CREBBP: variants seen among roughly 807,000 people sequenced by gnomAD.
CREBBP encodes CREB-binding protein.
CREBBP carries 19 observed loss-of-function variants against 265.0 expected under a neutral mutation model. The ratio of observed to expected loss-of-function variants is 0.07; its 90% CI spans 0.05 to 0.11. CREBBP has a LOEUF of 0.11. Among genes scored for constraint, CREBBP ranks in the 10% least tolerant of loss-of-function variants. The pLI is 1.00. For missense variants in CREBBP, 2,525 were observed against 3,219.0 expected (o/e 0.78, Z 5.22); for synonymous variants, 1,457 against 1,223.7 (o/e 1.19, Z -3.98).
intron 20 of CREBBP, among the ~76,000 whole-genome samples, chr16:3,751,048 C>T (rs1387500573): frequency 6.6e-6 from 1 of 151,744 alleles, no homozygotes; most frequent in African/African-American, 2.4e-5. Context: ...AACAGTGAGA[C>T]CCCATTTCAA....
intron 2 of CREBBP, among the ~76,000 whole-genome samples, chr16:3,819,850 T>A (rs537169267): frequency 2.6e-5 from 4 of 152,246 alleles, no homozygotes; most frequent in African/African-American, 9.6e-5. Flanking sequence ...GAACTGAACA[T>A]GAAAGAACAC....
chr16:3,798,240 C>A (rs531480282), intron 3 of CREBBP, among the ~76,000 whole-genome samples: 6 of 152,072 alleles, frequency 3.9e-5, no homozygotes, highest in African/African-American at 1.4e-4. Flanking sequence ...AGAAGAAAAC[C>A]GAGAATAAAT....
rs777228681 is a variant in CREBBP, at chr16:3,744,857, GT to G, written c.3982+36del. On this transcript the variant is annotated intron_variant, in intron 23 of 30. Transcript: ENST00000262367. ...GACAATTTCTACAAGTTTCTAAAAT[GT>G]GCAGTCCAGGAAACAGAAAGCTTCC... is the stretch of plus-strand genomic sequence containing the variant. 65 of 1,483,236 alleles carry G rather than the reference GT, an allele frequency of 4.4e-5. No homozygotes were observed. The African/African-American group carries it at 6.9e-4, about 16-fold the overall frequency. 91.9% of individuals were successfully genotyped at this position (1,483,236 alleles called of 1,614,324 possible).
At chr16:3,746,903 C>T (rs2052355741) in intron 21 of CREBBP, among the ~76,000 whole-genome samples, 1 of 152,156 alleles carries the variant, frequency 6.6e-6, no homozygotes, top group Admixed American at 6.5e-5. Flanking sequence ...TATGACTGCA[C>T]CACTGCACTC....
At position 3,770,755 on chromosome 16, in the gene CREBBP, G is replaced by C. The variant is rs1186080322; in HGVS notation, c.2695C>G (p.Pro899Ala). ...STPVSSSGQT[P>A]TPTPGSVPSA... ...GGCACTGAGCCAGGAGTCGGGGTGGGAGTCTGCCCGGAAGACGACACAGGA... is the reference window on the plus strand; with the variant it reads ...GGCACTGAGCCAGGAGTCGGGGTGGCAGTCTGCCCGGAAGACGACACAGGA... Residue 899 changes from proline (P) to alanine (A), a missense_variant, in exon 14 of 31, where the codon CCC becomes GCC. By Grantham distance (27) the Pro-to-Ala change is conservative. This residue lies in a region of CREBBP where 548 missense variants were observed against 533.0 expected (regional missense o/e 1.03). Coordinates refer to ENST00000262367, the MANE Select transcript of CREBBP (RefSeq NM_004380.3). 1.2e-6 allele frequency: 2 copies of C among 1,614,016 alleles called. No homozygotes were observed. The highest frequency in any genetic ancestry group is 3.3e-5 in the Admixed American group (2 of 59,998).
intron 20 of CREBBP, among the ~76,000 whole-genome samples, chr16:3,751,101 G>C (rs1249857894): frequency 2.6e-5 from 4 of 151,936 alleles, no homozygotes; most frequent in Non-Finnish European, 5.9e-5. Flanking sequence ...CCCCAAAATG[G>C]AACCACTAGG....
Position 3,731,156 on chromosome 16 carries a change from G to T in CREBBP, c.5172+36C>A. ...GACAGGATGCTTCGTCAGACCCCAG[G>T]CCGGCTGTGGGGGTGGGGGTGGGGG... On this transcript the variant is annotated intron_variant, in intron 30 of 30. Transcript: ENST00000262367. The surrounding 1 kb of genome is among the most constrained non-coding windows in gnomAD (Gnocchi z 7.7). 6.3e-7 allele frequency: 1 copy of T among 1,599,166 alleles called. No homozygotes were observed. The highest frequency in any genetic ancestry group is 1.1e-5 in the South Asian group (1 of 90,428).
intron 2 of CREBBP, among the ~76,000 whole-genome samples, chr16:3,820,895 C>T (rs1463921361): frequency 6.6e-6 from 1 of 152,208 alleles, no homozygotes; most frequent in Non-Finnish European, 1.5e-5. Context: ...TGTATCCTCA[C>T]TGTTAGTCAC....
At chr16:3,764,923 T>C (rs1281035872) in intron 16 of CREBBP, among the ~76,000 whole-genome samples, 1 of 152,158 alleles carries the variant, frequency 6.6e-6, no homozygotes, top group Non-Finnish European at 1.5e-5. Context: ...GTATTCCTTG[T>C]ATTAAATCTT....
At chr16:3,776,036 C>G (rs1051839079) in intron 11 of CREBBP, among the ~76,000 whole-genome samples, 2 of 152,162 alleles carry the variant, frequency 1.3e-5, no homozygotes, top group African/African-American at 4.8e-5. Context: ...CCTGCCTCAG[C>G]CTCCCGCGTA....
chr16:3,766,885 C>T (rs550748330), intron 16 of CREBBP, among the ~76,000 whole-genome samples: 1 of 152,246 alleles, frequency 6.6e-6, no homozygotes, highest in South Asian at 2.1e-4. Context: ...CAACAACTCT[C>T]TGGGGCCCTC....
intron 1 of CREBBP, among the ~76,000 whole-genome samples, chr16:3,862,399 G>T (rs893527275): frequency 6.6e-6 from 1 of 152,066 alleles, no homozygotes. Flanking sequence ...GCCTCACTAC[G>T]GTAGGCAGGC....
In CREBBP at chr16:3,851,146, G is replaced by A. The variant is rs113960468; in HGVS notation, c.86-137C>T. ...GTCTTAAGAGTCATGTCATTAGCTG[G>A]GTGTGGTAGCGCATGCCTGTAATCC... On this transcript the variant is annotated intron_variant, in intron 1 of 30. Transcript: ENST00000262367. The A allele has an allele frequency of 1.6e-3, 1,244 of 764,402 alleles. 15 individuals carry two copies. In the African/African-American group the frequency reaches 0.019, roughly 12 times the overall value. 47.4% of individuals were successfully genotyped at this position (764,402 alleles called of 1,614,324 possible). A position where few individuals can be genotyped will look rare whatever the true frequency, so the allele number is the denominator to read the frequency against.
chr16:3,779,976 G>A (rs766573972), intron 8 of CREBBP, among the ~76,000 whole-genome samples: 23 of 151,978 alleles, frequency 1.5e-4, no homozygotes, highest in Non-Finnish European at 2.9e-4. Context: ...GGCCGGGTGC[G>A]GTGGCTCATA....
intron 5 of CREBBP, among the ~76,000 whole-genome samples, chr16:3,785,863 C>T (rs1257311092): frequency 2.0e-5 from 3 of 152,170 alleles, no homozygotes; most frequent in Non-Finnish European, 4.4e-5. Context: ...TGGCTGGGTT[C>T]TTCTGGGCCC....
intron 26 of CREBBP, 120 bp from the exon 27 acceptor site, chr16:3,736,935 T>A: frequency 8.0e-7 from 1 of 1,244,648 alleles, no homozygotes; most frequent in Non-Finnish European, 1.1e-6. Flanking sequence ...AGAGAGAGAA[T>A]GAATGCCCAC....
At chr16:3,751,127 T>C (rs1233735738) in intron 20 of CREBBP, among the ~76,000 whole-genome samples, 2 of 152,184 alleles carry the variant, frequency 1.3e-5, no homozygotes, top group African/African-American at 2.4e-5. Context: ...GCAATTATTT[T>C]AGAAAAAAAG....
rs778833800 is a variant in CREBBP at position 3,728,398 on chromosome 16, C to T, written c.6649G>A (p.Gly2217Arg). 1 of 1,613,582 alleles carries T rather than the reference C, an allele frequency of 6.2e-7. No individual in the cohort carries two copies. Among genetic ancestry groups the T allele is most frequent in the Non-Finnish European group, 8.5e-7 (1 of 1,179,740 alleles). ...ATGCCCCCAGCCATGCCGGCACTCC[C>T]TTGCTGCTGCTGCTGTTGCTGCTGT... Reference protein sequence around the residue: ...QQQQQQQQQQGSAGMAGGMAG... With the variant: ...QQQQQQQQQQRSAGMAGGMAG... Residue 2217 changes from glycine to arginine, a missense_variant, in exon 31 of 31, where the codon GGG becomes AGG. Physicochemically the swap from Gly to Arg is moderately radical, Grantham distance 125. This residue lies in a region of CREBBP where 473 missense variants were observed against 459.3 expected (regional missense o/e 1.03). Coordinates refer to ENST00000262367, the MANE Select transcript of CREBBP (RefSeq NM_004380.3). This position sits in a 1 kb window ranked among gnomAD's most constrained non-coding sequence, Gnocchi z 8.7.
chr16:3,859,637 G>C (rs1397602300), intron 1 of CREBBP, among the ~76,000 whole-genome samples: 1 of 152,124 alleles, frequency 6.6e-6, no homozygotes, highest in Non-Finnish European at 1.5e-5. Context: ...TTCCAGGGAA[G>C]GGAGAGATAC....
Sources: allele counts gnomAD v4.1 joint callset (sites outside exome capture counted in the v4.1 genomes callset), GRCh38; gene constraint gnomAD v4.1.1; regional missense constraint gnomAD v4.1.1; non-coding constraint Gnocchi (gnomAD v3.1); transcripts MANE v1.5; gene names NCBI Gene and HGNC (gene_info 2026-07-23, HGNC 2026-07-21).